Variants in LAPTM4B observed in about 807,000 individuals in gnomAD.
The protein encoded by LAPTM4B is lysosomal protein transmembrane 4 beta.
A neutral mutation model predicts 28.5 loss-of-function variants in LAPTM4B; 26 were observed. The observed-to-expected ratio is 0.91, with a 90% CI of 0.67 to 1.27. The LOEUF (loss-of-function observed/expected upper bound fraction) is 1.27, where lower values mean the gene tolerates loss of function less well. Ranked by LOEUF, LAPTM4B falls within the 50% of genes most tolerant of loss-of-function variation. LAPTM4B has a pLI of 0.00. For synonymous variants in LAPTM4B, 109 were observed against 106.4 expected, an observed-to-expected ratio of 1.02 and a Z score of -0.15; for missense variants, 288 against 285.8, an observed-to-expected ratio of 1.01 and a Z score of -0.06.
intron 4 of LAPTM4B, 83 bp downstream of exon 4, chr8:97,816,263 A>G (rs748725239): frequency 1.4e-5 from 18 of 1,308,366 alleles, no homozygotes; most frequent in East Asian, 5.2e-5. Flanking sequence ...AGAGATACAC[A>G]GACATTAATT....
intron 1 of LAPTM4B, among the ~76,000 whole-genome samples, chr8:97,795,666 A>ATGGTGG (rs1408981754): frequency 6.6e-6 from 1 of 151,950 alleles, no homozygotes; most frequent in African/African-American, 2.4e-5. Context: ...CAGCCTGGCC[A>ATGGTGG]ACATGGTGAA....
At position 97,816,180 on chromosome 8, in the gene LAPTM4B, G is replaced by A. The variant is rs1816910710; in HGVS notation, c.408G>A (p.Leu136=). The A allele has an allele frequency of 6.2e-7, 1 of 1,609,892 alleles. No homozygotes were observed. The highest frequency in any genetic ancestry group is 2.2e-5 in the East Asian group (1 of 44,792). The change falls in exon 4 of 7, where the codon CTG becomes CTA. Residue 136 remains leucine (L), a splice_region_variant and synonymous_variant. Transcript: ENST00000521545. ...CCATTCAGGAATACATACGGCAACT[G>A]GTACGTGGACCTCTTACTGCTCCTT... ...PNSIQEYIRQ[L]PPNFPYRDDV...
At chr8:97,799,050 G>A (rs1432417787) in intron 1 of LAPTM4B, among the ~76,000 whole-genome samples, 1 of 152,164 alleles carries the variant, frequency 6.6e-6, no homozygotes, top group East Asian at 1.9e-4. Context: ...CTTGTAGTCA[G>A]TTACTGTATC....
chr8:97,790,989 C>T lies in LAPTM4B; in HGVS notation c.100-14364C>T, dbSNP rs181490711. Reference sequence around the variant, plus strand: ...GTGCAATCACGCCTCATTGCAACCTCGGACCTTTCAGCTCAAGTAGTTTTC... The same window carrying T: ...GTGCAATCACGCCTCATTGCAACCTTGGACCTTTCAGCTCAAGTAGTTTTC... On this transcript the variant is annotated intron_variant, in intron 1 of 6. Coordinates refer to ENST00000521545, the MANE Select transcript of LAPTM4B (RefSeq NM_018407.6). Among the ~76,000 whole-genome samples, 978 of 152,256 alleles carry T rather than the reference C, an allele frequency of 6.4e-3. 9 individuals carry two copies. In the Middle Eastern group the frequency reaches 0.071, roughly 11 times the overall value.
At chr8:97,809,426 G>A (rs886614760) in intron 2 of LAPTM4B, among the ~76,000 whole-genome samples, 1 of 152,270 alleles carries the variant, frequency 6.6e-6, no homozygotes, top group South Asian at 2.1e-4. Context: ...TAGACCAGGT[G>A]CGGTAGCTCA....
rs1207675227 is a variant in LAPTM4B at position 97,825,103 on chromosome 8, G to A, written c.553G>A (p.Gly185Ser). Residue 185 changes from glycine to serine, a missense_variant, in exon 6 of 7, where the codon GGT becomes AGT. By Grantham distance (56) the Gly-to-Ser change is moderately conservative. Transcript: ENST00000521545. ...CVWNCYRYIN[G>S]RNSSDVLVYV... ...TTGGAACTGCTACCGATACATCAAT[G>A]GTAGGAACTCCTCTGATGTCCTGGT... is the stretch of plus-strand genomic sequence containing the variant. 1 of 1,611,810 alleles carries A rather than the reference G, an allele frequency of 6.2e-7. No homozygotes were observed. Among genetic ancestry groups the A allele is most frequent in the Admixed American group, 1.7e-5 (1 of 59,994 alleles).
intron 1 of LAPTM4B, among the ~76,000 whole-genome samples, chr8:97,800,506 T>TTC (rs1816656195): frequency 9.9e-6 from 1 of 100,720 alleles, no homozygotes; most frequent in Admixed American, 1.1e-4. Flanking sequence ...TTTTTTTTTT[T>TTC]TTTTTGGAGA....
At chr8:97,800,813 C>G (rs2129760810) in intron 1 of LAPTM4B, among the ~76,000 whole-genome samples, 1 of 152,138 alleles carries the variant, frequency 6.6e-6, no homozygotes, top group South Asian at 2.1e-4. Context: ...CTTCTTGTTA[C>G]ACTTAGAATA....
At chr8:97,828,084 G>A (rs1481320084) in intron 6 of LAPTM4B, among the ~76,000 whole-genome samples, 3 of 152,172 alleles carry the variant, frequency 2.0e-5, no homozygotes, top group African/African-American at 4.8e-5. Flanking sequence ...GGTTACAATG[G>A]CTTGACCATG....
intron 2 of LAPTM4B, among the ~76,000 whole-genome samples, chr8:97,806,915 G>A (rs28522149): frequency 0.23 from 34,350 of 152,052 alleles, 4,896 homozygotes; most frequent in Non-Finnish European, 0.31. Context: ...CCGAGATCGC[G>A]CCAGTGCACT....
intron 5 of LAPTM4B, among the ~76,000 whole-genome samples, chr8:97,821,371 T>C (rs1396910546): frequency 1.3e-5 from 2 of 150,754 alleles, no homozygotes; most frequent in African/African-American, 4.9e-5. Flanking sequence ...CAACACCAGG[T>C]CGTGGGGGTT....
chr8:97,801,179 C>CTT (rs11312833), intron 1 of LAPTM4B, among the ~76,000 whole-genome samples: 15 of 132,798 alleles, frequency 1.1e-4, no homozygotes, highest in East Asian at 2.2e-4. Context: ...GTTCTTCATA[C>CTT]TTTTTTTTTT....
At chr8:97,793,646 C>A (rs866859159) in intron 1 of LAPTM4B, among the ~76,000 whole-genome samples, 53 of 152,122 alleles carry the variant, frequency 3.5e-4, no homozygotes, top group African/African-American at 1.1e-3. Context: ...CATGGAAATA[C>A]CACCATTAAA....
chr8:97,783,824 T>G (rs1816361316), intron 1 of LAPTM4B, among the ~76,000 whole-genome samples: 1 of 152,206 alleles, frequency 6.6e-6, no homozygotes, highest in South Asian at 2.1e-4. Flanking sequence ...CATTAAAACT[T>G]AAACCATCTG....
intron 6 of LAPTM4B, among the ~76,000 whole-genome samples, chr8:97,833,239 C>A (rs1404789479): frequency 6.6e-6 from 1 of 151,802 alleles, no homozygotes; most frequent in Non-Finnish European, 1.5e-5. Flanking sequence ...GAGGCTGGGG[C>A]AGGAGAATCG....
chr8:97,843,496 G>A (rs1817382506), intron 6 of LAPTM4B, among the ~76,000 whole-genome samples: 1 of 152,124 alleles, frequency 6.6e-6, no homozygotes, highest in Non-Finnish European at 1.5e-5. Context: ...ATCATTTGCT[G>A]GCCAGGCACA....
At chr8:97,845,360 A>C (rs76148514) in intron 6 of LAPTM4B, among the ~76,000 whole-genome samples, 25,466 of 150,852 alleles carry the variant, frequency 0.17, 2,254 homozygotes, top group East Asian at 0.23. Context: ...TTTTTTTTAA[A>C]CTTTTACCTA....
At chr8:97,832,543 A>G (rs1817196480) in intron 6 of LAPTM4B, among the ~76,000 whole-genome samples, 1 of 152,206 alleles carries the variant, frequency 6.6e-6, no homozygotes, top group Admixed American at 6.5e-5. Flanking sequence ...TTCTTCTGAA[A>G]GAATTATATT....
At chr8:97,836,497 A>C (rs558627928) in intron 6 of LAPTM4B, among the ~76,000 whole-genome samples, 36 of 152,246 alleles carry the variant, frequency 2.4e-4, no homozygotes, top group Admixed American at 6.5e-4. Context: ...TAAGGTTTTA[A>C]AAAGTATTTC....
Sources: allele counts gnomAD v4.1 joint callset (sites outside exome capture counted in the v4.1 genomes callset), GRCh38; gene constraint gnomAD v4.1.1; transcripts MANE v1.5; gene names NCBI Gene and HGNC (gene_info 2026-07-23, HGNC 2026-07-21).